LPP: variants seen among roughly 807,000 people sequenced by gnomAD.
The protein encoded by LPP is lipoma-preferred partner.
Under a neutral mutation model 60.4 loss-of-function variants are expected in LPP, and 38 were observed. The ratio of observed to expected loss-of-function variants is 0.63; its 90% CI spans 0.49 to 0.83. The LOEUF (loss-of-function observed/expected upper bound fraction) is 0.83, where lower values mean the gene tolerates loss of function less well. Among genes scored for constraint, LPP ranks in the 40% least tolerant of loss-of-function variants. The pLI, the probability that LPP is intolerant of heterozygous loss-of-function variation, is 0.00. For synonymous variants in LPP, 328 were observed against 290.8 expected (o/e 1.13, Z -1.30); for missense variants, 902 against 783.6 (o/e 1.15, Z -1.80).
chr3:188,868,515 T>G (rs1333027865), intron 10 of LPP, among the ~76,000 whole-genome samples: 2 of 152,168 alleles, frequency 1.3e-5, no homozygotes, highest in Non-Finnish European at 2.9e-5. Context: ...AAATTAAAAA[T>G]GATAATAATG....
chr3:188,670,221 G>T (rs926719042), intron 7 of LPP, among the ~76,000 whole-genome samples: 5 of 152,082 alleles, frequency 3.3e-5, no homozygotes, highest in African/African-American at 1.2e-4. Context: ...CCTGCATGTT[G>T]TGCATATGTA....
intron 9 of LPP, among the ~76,000 whole-genome samples, chr3:188,858,167 A>AT (rs1392987470): frequency 1.3e-5 from 2 of 152,190 alleles, no homozygotes; most frequent in Non-Finnish European, 2.9e-5. Context: ...GAGTTAATAA[A>AT]TCTTCACATG....
intron 3 of LPP, among the ~76,000 whole-genome samples, chr3:188,357,044 C>T (rs1318462973): frequency 6.6e-6 from 1 of 152,176 alleles, no homozygotes; most frequent in East Asian, 1.9e-4. Flanking sequence ...CATGCAACTA[C>T]CACCACCACC....
intron 10 of LPP, among the ~76,000 whole-genome samples, chr3:188,872,056 A>G (rs1560322419): frequency 3.9e-5 from 6 of 152,232 alleles, no homozygotes; most frequent in Admixed American, 2.6e-4. Flanking sequence ...AATGTAGGAA[A>G]TGCAGACTTG....
chr3:188,515,297 T>G (rs1817035279), intron 5 of LPP, among the ~76,000 whole-genome samples: 1 of 152,134 alleles, frequency 6.6e-6, no homozygotes, highest in Non-Finnish European at 1.5e-5. Flanking sequence ...CCAAGCCTTG[T>G]TCCTCCTCTC....
At chr3:188,651,731 T>A (rs780182891) in intron 7 of LPP, among the ~76,000 whole-genome samples, 18 of 152,118 alleles carry the variant, frequency 1.2e-4, no homozygotes, top group Non-Finnish European at 2.4e-4. Context: ...TTATTTACTA[T>A]CATGAGAACA....
At chr3:188,553,823 G>T (rs1328592983) in intron 6 of LPP, 1 of 152,228 alleles carries the variant, frequency 6.6e-6, no homozygotes, top group Non-Finnish European at 1.5e-5. Flanking sequence ...AACCTCAAAG[G>T]AGATGGTGTC....
chr3:188,297,777 A>G (rs185085608), intron 2 of LPP, among the ~76,000 whole-genome samples: 10 of 152,352 alleles, frequency 6.6e-5, no homozygotes, highest in African/African-American at 2.4e-4. Context: ...CAATAAGGAT[A>G]TGTTTCTAGA....
chr3:188,757,889 G>GTTTTTTTTTTTT lies in LPP; in HGVS notation c.1241-2215_1241-2204dup, dbSNP rs750488243. Among the ~76,000 whole-genome samples the GTTTTTTTTTTTT allele has an allele frequency of 1.4e-3, 114 of 78,678 alleles. 5 individuals are homozygous for GTTTTTTTTTTTT. The highest frequency in any genetic ancestry group is 5.5e-3 in the African/African-American group (107 of 19,418). 51.6% of individuals were successfully genotyped at this position (78,678 alleles called of 152,430 possible). On this transcript the variant is annotated intron_variant, in intron 8 of 11. Coordinates refer to ENST00000617246, the MANE Select transcript of LPP (RefSeq NM_001375462.1). ...TTTTTTTTGTGGTTTTGTTTTTTTG[G>GTTTTTTTTTTTT]TTTTTTTTTTTTTTTTTTTTCAGAA... is the stretch of plus-strand genomic sequence containing the variant.
At chr3:188,163,471 G>A (rs1265890656) in intron 1 of LPP, among the ~76,000 whole-genome samples, 3 of 152,220 alleles carry the variant, frequency 2.0e-5, no homozygotes, top group African/African-American at 7.2e-5. Flanking sequence ...GGTATCAGTA[G>A]TGTTCCTTTT....
chr3:188,309,010 TTTC>T (rs1344912302), intron 2 of LPP, among the ~76,000 whole-genome samples: 49 of 84,858 alleles, frequency 5.8e-4, no homozygotes, highest in Admixed American at 2.9e-3. Context: ...CCTTCTTCTT[TTTC>T]TTCTTCTTCT....
chr3:188,545,850 A>T (rs947022972), intron 6 of LPP, among the ~76,000 whole-genome samples: 1 of 152,138 alleles, frequency 6.6e-6, no homozygotes, highest in Non-Finnish European at 1.5e-5. Context: ...CCTGGGCTCA[A>T]AGACAGGGGG....
chr3:188,624,640 T>C (rs1846418613), intron 7 of LPP, among the ~76,000 whole-genome samples: 2 of 152,112 alleles, frequency 1.3e-5, no homozygotes, highest in Admixed American at 1.3e-4. Flanking sequence ...ACCAGACTAT[T>C]AATAGGGAGT....
intron 4 of LPP, among the ~76,000 whole-genome samples, chr3:188,410,781 G>A (rs1784717667): frequency 6.6e-6 from 1 of 152,042 alleles, no homozygotes; most frequent in African/African-American, 2.4e-5. Flanking sequence ...GGGAACAGGT[G>A]GTTTTTGCTT....
intron 4 of LPP, among the ~76,000 whole-genome samples, chr3:188,463,739 A>G (rs77304589): frequency 0.039 from 5,931 of 152,280 alleles, 177 homozygotes; most frequent in Middle Eastern, 0.11. Context: ...TGTACTAGCT[A>G]TCCAGCTCGT....
intron 5 of LPP, among the ~76,000 whole-genome samples, chr3:188,493,849 A>G (rs1219706029): frequency 1.3e-5 from 2 of 151,774 alleles, no homozygotes; most frequent in East Asian, 1.9e-4. Context: ...TCTATTCTTC[A>G]TATTAGTTTT....
intron 4 of LPP, among the ~76,000 whole-genome samples, chr3:188,480,028 G>GC (rs1473771250): frequency 6.6e-6 from 1 of 152,150 alleles, no homozygotes; most frequent in Admixed American, 6.5e-5. Flanking sequence ...TCTGACTGAC[G>GC]CAAGTGTTAG....
At chr3:188,433,520 G>A (rs1204846106) in intron 4 of LPP, among the ~76,000 whole-genome samples, 3 of 149,974 alleles carry the variant, frequency 2.0e-5, no homozygotes, top group South Asian at 2.1e-4. Context: ...AGCCAGAGAA[G>A]TAGAAAGAAA....
At chr3:188,697,893 C>T (rs76280339) in intron 7 of LPP, among the ~76,000 whole-genome samples, 6,155 of 146,732 alleles carry the variant, frequency 0.042, 181 homozygotes, top group South Asian at 0.11. Context: ...TATTTTTTGG[C>T]ACTATAATGG....
Sources: gnomAD v4.1 joint callset for allele counts (sites outside exome capture counted in the v4.1 genomes callset) on GRCh38, gnomAD v4.1.1 for gene constraint, MANE v1.5 for transcripts, NCBI Gene and HGNC (gene_info 2026-07-23, HGNC 2026-07-21) for gene names.